Variants in PXDNL observed in about 807,000 individuals in gnomAD.
PXDNL encodes peroxidasin like.
PXDNL carries 145 observed loss-of-function variants against 150.8 expected under a neutral mutation model. The ratio of observed to expected loss-of-function variants is 0.96; its 90% confidence interval spans 0.84 to 1.10. The LOEUF (loss-of-function observed/expected upper bound fraction) is 1.10, where lower values mean the gene tolerates loss of function less well. Ranked by LOEUF, PXDNL falls within the 50% of genes least tolerant of loss-of-function variation. The pLI is 0.00. For missense variants in PXDNL, 2,087 were observed against 1,873.9 expected, an observed-to-expected ratio of 1.11 and a Z score of -2.10; for synonymous variants, 757 against 725.7, an observed-to-expected ratio of 1.04 and a Z score of -0.69.
At chr8:51,458,576 C>G (rs751487862) in intron 8 of PXDNL, among the ~76,000 whole-genome samples, 1 of 152,136 alleles carries the variant, frequency 6.6e-6, no homozygotes, top group African/African-American at 2.4e-5. Context: ...TTCTAAACAC[C>G]GATGTTTTGT....
intron 17 of PXDNL, among the ~76,000 whole-genome samples, chr8:51,376,090 T>C (rs751030762): frequency 6.6e-5 from 10 of 152,340 alleles, no homozygotes; most frequent in Middle Eastern, 3.4e-3. Flanking sequence ...GAAATTGATG[T>C]ATGATTCATA....
At chr8:51,775,676 C>T (rs922961520) in intron 1 of PXDNL, among the ~76,000 whole-genome samples, 3 of 152,188 alleles carry the variant, frequency 2.0e-5, no homozygotes, top group African/African-American at 7.2e-5. Context: ...ATTTCCTATA[C>T]CTGTCTTTAC....
intron 2 of PXDNL, among the ~76,000 whole-genome samples, chr8:51,634,520 A>G (rs1036706338): frequency 2.0e-5 from 3 of 152,072 alleles, no homozygotes; most frequent in African/African-American, 7.2e-5. Flanking sequence ...GTGAAAAATG[A>G]CATCCGTAGT....
At chr8:51,733,119 A>T (rs1462310933) in intron 1 of PXDNL, among the ~76,000 whole-genome samples, 2 of 152,238 alleles carry the variant, frequency 1.3e-5, no homozygotes, top group African/African-American at 4.8e-5. Context: ...CTCAGTAGTT[A>T]TCTGTGGATG....
At chr8:51,644,847 C>T (rs1262523859) in intron 2 of PXDNL, among the ~76,000 whole-genome samples, 2 of 151,634 alleles carry the variant, frequency 1.3e-5, no homozygotes, top group East Asian at 3.9e-4. Context: ...GAAAAGGGCC[C>T]CAGGCTGATT....
intron 1 of PXDNL, among the ~76,000 whole-genome samples, chr8:51,703,929 AT>A: frequency 6.6e-6 from 1 of 152,284 alleles, no homozygotes; most frequent in South Asian, 2.1e-4. Flanking sequence ...TAGTATTTTT[AT>A]TTTATCTGTG....
intron 1 of PXDNL, among the ~76,000 whole-genome samples, chr8:51,661,688 C>G (rs770538164): frequency 2.6e-5 from 4 of 152,158 alleles, no homozygotes; most frequent in Admixed American, 6.5e-5. Flanking sequence ...CTTATACACA[C>G]GCACATCGCC....
intron 8 of PXDNL, among the ~76,000 whole-genome samples, chr8:51,465,039 C>T (rs1452128063): frequency 6.6e-6 from 1 of 152,072 alleles, no homozygotes; most frequent in Admixed American, 6.6e-5. Context: ...GAAGGATCCT[C>T]CCTCGCTCAT....
chr8:51,620,911 T>C (rs1479230987), intron 2 of PXDNL, among the ~76,000 whole-genome samples: 1 of 152,202 alleles, frequency 6.6e-6, no homozygotes, highest in Non-Finnish European at 1.5e-5. Flanking sequence ...TTTGTGCACT[T>C]CCTCAGGACA....
intron 2 of PXDNL, among the ~76,000 whole-genome samples, chr8:51,648,301 A>G (rs1434656038): frequency 6.6e-6 from 1 of 152,228 alleles, no homozygotes; most frequent in Non-Finnish European, 1.5e-5. Context: ...TGATTAAATT[A>G]AGGATCTTGA....
At chr8:51,652,474 C>CAA (rs1346447785) in intron 2 of PXDNL, among the ~76,000 whole-genome samples, 1 of 151,780 alleles carries the variant, frequency 6.6e-6, no homozygotes, top group Non-Finnish European at 1.5e-5. Flanking sequence ...CACACACACA[C>CAA]ACACACACCA....
At chr8:51,535,444 G>A (rs1482349590) in intron 4 of PXDNL, among the ~76,000 whole-genome samples, 4 of 107,096 alleles carry the variant, frequency 3.7e-5, no homozygotes, top group African/African-American at 1.4e-4. Flanking sequence ...TCTGAAACAT[G>A]TGCTGTGTCC....
At chr8:51,605,155 A>G (rs7826706) in intron 2 of PXDNL, among the ~76,000 whole-genome samples, 3,796 of 152,244 alleles carry the variant, frequency 0.025, 171 homozygotes, top group African/African-American at 0.086. Context: ...TTATTCTAGG[A>G]CATATTTATG....
intron 5 of PXDNL, among the ~76,000 whole-genome samples, chr8:51,489,499 G>A (rs1334019408): frequency 1.3e-5 from 2 of 151,990 alleles, no homozygotes; most frequent in Non-Finnish European, 2.9e-5. Context: ...TTTATTTTTT[G>A]TAGAGATTGG....
intron 17 of PXDNL, among the ~76,000 whole-genome samples, chr8:51,406,766 T>C (rs1168179722): frequency 6.6e-6 from 1 of 152,206 alleles, no homozygotes. Flanking sequence ...CTTTCCACAC[T>C]GGTCACAGCA....
intron 10 of PXDNL, among the ~76,000 whole-genome samples, chr8:51,452,028 G>T (rs1274099859): frequency 1.3e-5 from 2 of 152,128 alleles, no homozygotes; most frequent in Non-Finnish European, 2.9e-5. Context: ...GGATGGTAAA[G>T]GTTACCAGAG....
At chr8:51,323,950 A>T (rs1282533107) in intron 21 of PXDNL, among the ~76,000 whole-genome samples, 4 of 128,336 alleles carry the variant, frequency 3.1e-5, no homozygotes, top group South Asian at 4.5e-4. Flanking sequence ...TAAAAAAATA[A>T]AAAAAAAAAG....
intron 7 of PXDNL, among the ~76,000 whole-genome samples, chr8:51,473,980 A>G (rs1810414033): frequency 6.6e-6 from 1 of 152,222 alleles, no homozygotes; most frequent in Non-Finnish European, 1.5e-5. Context: ...GAAGCAATCC[A>G]GCCAAACTTG....
intron 1 of PXDNL, among the ~76,000 whole-genome samples, chr8:51,702,503 A>G (rs1318192269): frequency 6.6e-6 from 1 of 152,224 alleles, no homozygotes; most frequent in African/African-American, 2.4e-5. Flanking sequence ...CTTGCAGGTC[A>G]GAATCAACTA....
Sources: allele counts gnomAD v4.1 joint callset (sites outside exome capture counted in the v4.1 genomes callset), GRCh38; gene constraint gnomAD v4.1.1; transcripts MANE v1.5; gene names NCBI Gene and HGNC (gene_info 2026-07-23, HGNC 2026-07-21).